Variants in PRKCE observed in about 807,000 individuals in gnomAD.
PRKCE encodes protein kinase C epsilon.
A neutral mutation model predicts 85.4 loss-of-function variants in PRKCE; 16 were observed. The observed-to-expected ratio is 0.19, with a 90% CI of 0.13 to 0.28. The LOEUF (loss-of-function observed/expected upper bound fraction) is 0.28. Among genes scored for constraint, PRKCE ranks in the 10% least tolerant of loss-of-function variants. The pLI, the probability that PRKCE is intolerant of heterozygous loss-of-function variation, is 1.00. For synonymous variants in PRKCE, 388 were observed against 371.5 expected, an observed-to-expected ratio of 1.04 and a Z score of -0.51; for missense variants, 573 against 975.2, an observed-to-expected ratio of 0.59 and a Z score of 5.49.
intron 2 of PRKCE, among the ~76,000 whole-genome samples, chr2:45,911,713 A>G (rs574957541): frequency 3.3e-5 from 5 of 152,346 alleles, no homozygotes; most frequent in African/African-American, 9.6e-5. Context: ...GGATTGCCCC[A>G]CAACGGTCAC....
chr2:45,813,123 C>G (rs532725082), intron 1 of PRKCE, among the ~76,000 whole-genome samples: 3 of 152,116 alleles, frequency 2.0e-5, no homozygotes, highest in Non-Finnish European at 4.4e-5. Context: ...TTCCAGGAGG[C>G]AAAACTGCAG....
intron 10 of PRKCE, among the ~76,000 whole-genome samples, chr2:46,065,277 AGTGTGTCT>A (rs1342513503): frequency 2.0e-5 from 3 of 151,938 alleles, no homozygotes; most frequent in Admixed American, 6.6e-5. Context: ...GGGGCCAGGG[AGTGTGTCT>A]GTGGGTAAAC....
At chr2:45,799,023 G>A (rs368230934) in intron 1 of PRKCE, among the ~76,000 whole-genome samples, 4 of 151,882 alleles carry the variant, frequency 2.6e-5, no homozygotes, top group Non-Finnish European at 4.4e-5. Flanking sequence ...AAAATTAGCC[G>A]GGCATGGTGG....
chr2:45,735,947 C>T (rs1346254616), intron 1 of PRKCE, among the ~76,000 whole-genome samples: 1 of 152,150 alleles, frequency 6.6e-6, no homozygotes, highest in African/African-American at 2.4e-5. Context: ...GTATTTTTTA[C>T]CATCTGACAT....
At chr2:46,171,865 TCA>T (rs1678934816) in intron 14 of PRKCE, among the ~76,000 whole-genome samples, 1 of 152,108 alleles carries the variant, frequency 6.6e-6, no homozygotes, top group South Asian at 2.1e-4. Context: ...AAAAGACACC[TCA>T]GACTGAGTCA....
Position 45,651,964 on chromosome 2 carries a change from C to A in PRKCE, c.-137C>A. 1.5e-6 allele frequency: 1 copy of A among 667,854 alleles called. No individual in the cohort carries two copies. The highest frequency in any genetic ancestry group is 2.5e-6 in the Non-Finnish European group (1 of 398,348). 41.4% of individuals were successfully genotyped at this position (667,854 alleles called of 1,614,324 possible). On this transcript the variant is annotated 5_prime_UTR_variant, in exon 1 of 15. Coordinates refer to ENST00000306156, the MANE Select transcript of PRKCE (RefSeq NM_005400.3). The stretch of plus-strand genomic sequence containing the variant: ...TCGCCCGCGCCAGGGCGCAACGCCA[C>A]AAGGTGTAGGGAGTGTGCGGGGTGG...
chr2:45,879,581 C>A (rs1694733323), intron 2 of PRKCE, among the ~76,000 whole-genome samples: 1 of 152,208 alleles, frequency 6.6e-6, no homozygotes, highest in African/African-American at 2.4e-5. Context: ...CAGGTACTCT[C>A]CACTAGATGC....
At chr2:45,805,037 A>G (rs1688140671) in intron 1 of PRKCE, among the ~76,000 whole-genome samples, 1 of 151,338 alleles carries the variant, frequency 6.6e-6, no homozygotes, top group Admixed American at 6.6e-5. Context: ...GAGGCTGGAT[A>G]TATGGAAGCC....
intron 1 of PRKCE, among the ~76,000 whole-genome samples, chr2:45,824,161 CAA>C (rs1382578631): frequency 6.6e-6 from 1 of 152,212 alleles, no homozygotes; most frequent in Non-Finnish European, 1.5e-5. Flanking sequence ...TTGAGGCAAT[CAA>C]AGAGAATCAG....
chr2:46,098,055 A>G (rs1670876302), intron 11 of PRKCE, among the ~76,000 whole-genome samples: 1 of 152,220 alleles, frequency 6.6e-6, no homozygotes, highest in African/African-American at 2.4e-5. Context: ...GTTTGGAACC[A>G]AAGGGAAATT....
intron 10 of PRKCE, among the ~76,000 whole-genome samples, chr2:46,069,786 A>G (rs1667919399): frequency 6.6e-6 from 1 of 152,176 alleles, no homozygotes; most frequent in African/African-American, 2.4e-5. Flanking sequence ...TGGCTATAAG[A>G]AGGGCTATAA....
chr2:45,741,177 A>T (rs772171527), intron 1 of PRKCE, among the ~76,000 whole-genome samples: 1 of 152,228 alleles, frequency 6.6e-6, no homozygotes, highest in Non-Finnish European at 1.5e-5. Flanking sequence ...GGAGTCTGTA[A>T]TTATGGAAGC....
chr2:45,945,918 A>G (rs998251873), intron 2 of PRKCE, among the ~76,000 whole-genome samples: 1 of 152,254 alleles, frequency 6.6e-6, no homozygotes, highest in Non-Finnish European at 1.5e-5. Context: ...ATGAATGGCC[A>G]CTTATCCCTA....
chr2:45,796,765 C>T (rs897857881), intron 1 of PRKCE, among the ~76,000 whole-genome samples: 3 of 152,148 alleles, frequency 2.0e-5, no homozygotes, highest in African/African-American at 7.2e-5. Context: ...CTAGAAAAGA[C>T]TTCACAGGTC....
chr2:45,682,633 C>A lies in PRKCE; in HGVS notation c.348+30185C>A, dbSNP rs187229089. ...TGGAGTTTCACTCTTGTTGCCCAGG[C>A]TGGAGTGCAATGGCGCGATCTCCAC... On this transcript the variant is annotated intron_variant, in intron 1 of 14. Coordinates refer to ENST00000306156, the MANE Select transcript of PRKCE (RefSeq NM_005400.3). Among the ~76,000 whole-genome samples the A allele has an allele frequency of 1.9e-3, 286 of 152,178 alleles. 6 individuals are homozygous for A. The highest frequency in any genetic ancestry group is 0.018 in the Admixed American group (281 of 15,292).
intron 1 of PRKCE, among the ~76,000 whole-genome samples, chr2:45,837,517 A>G (rs541260046): frequency 6.6e-5 from 10 of 152,280 alleles, no homozygotes; most frequent in African/African-American, 2.2e-4. Context: ...TCAGTCTACT[A>G]AAGTGCTGGG....
chr2:45,812,255 A>G (rs1688706287), intron 1 of PRKCE, among the ~76,000 whole-genome samples: 2 of 152,250 alleles, frequency 1.3e-5, no homozygotes, highest in Admixed American at 6.5e-5. Flanking sequence ...AATGTAAAGC[A>G]TCGCTCAAAT....
At chr2:45,677,927 A>G in intron 1 of PRKCE, 1 of 981,600 alleles carries the variant, frequency 1.0e-6, no homozygotes, top group Non-Finnish European at 1.2e-6. Context: ...GTAGGAGCAT[A>G]TCAGTAGCTT....
intron 2 of PRKCE, among the ~76,000 whole-genome samples, chr2:45,886,991 G>T (rs536384477): frequency 6.6e-6 from 1 of 152,190 alleles, no homozygotes; most frequent in Non-Finnish European, 1.5e-5. Flanking sequence ...TGGCAGAACG[G>T]GGTCAGAAGC....
Sources: gnomAD v4.1 joint callset for allele counts (sites outside exome capture counted in the v4.1 genomes callset) on GRCh38, gnomAD v4.1.1 for gene constraint, MANE v1.5 for transcripts, NCBI Gene and HGNC (gene_info 2026-07-23, HGNC 2026-07-21) for gene names.